The following SPIDR variants were observed in gnomAD, a reference collection of about 807,000 sequenced individuals.
SPIDR encodes the protein scaffold protein involved in DNA repair.
SPIDR carries 93 observed loss-of-function variants against 104.6 expected under a neutral mutation model. That is an observed-to-expected ratio of 0.89 (90% confidence interval 0.75 to 1.06). SPIDR has a LOEUF of 1.06. SPIDR is among the 50% of genes least tolerant of loss of function. The pLI is 0.00. For synonymous variants in SPIDR, 431 were observed against 416.9 expected (o/e 1.03, Z -0.41); for missense variants, 1,154 against 1,111.2 (o/e 1.04, Z -0.55).
At chr8:47,697,536 A>C (rs7462209) in intron 11 of SPIDR, among the ~76,000 whole-genome samples, 1 of 152,072 alleles carries the variant, frequency 6.6e-6, no homozygotes, top group African/African-American at 2.4e-5. Flanking sequence ...TTAGGAAAGC[A>C]CGCGTGGGCT....
At chr8:47,272,915 T>C (rs1586141060) in intron 1 of SPIDR, among the ~76,000 whole-genome samples, 1 of 152,186 alleles carries the variant, frequency 6.6e-6, no homozygotes, top group Admixed American at 6.5e-5. Flanking sequence ...ATATGCAACA[T>C]TTTACCACTT....
intron 5 of SPIDR, among the ~76,000 whole-genome samples, chr8:47,327,440 A>G (rs1019459317): frequency 9.7e-5 from 14 of 144,486 alleles, no homozygotes; most frequent in Non-Finnish European, 1.0e-4. Flanking sequence ...TTGCCCAGCT[A>G]GAGTGCACTG....
intron 5 of SPIDR, among the ~76,000 whole-genome samples, chr8:47,319,465 A>C (rs1183560571): frequency 1.3e-5 from 2 of 152,160 alleles, no homozygotes; most frequent in Non-Finnish European, 2.9e-5. Context: ...GAGACCTACA[A>C]AGATACTTAG....
At position 47,613,720 on chromosome 8, in the gene SPIDR, ATCTC is replaced by A. The variant is rs375925963; in HGVS notation, c.1544+14528_1544+14531del. Among the ~76,000 whole-genome samples the A allele has an allele frequency of 3.0e-4, 45 of 152,274 alleles. 1 individual carries two copies. In the East Asian group the frequency reaches 8.3e-3, roughly 28 times the overall value. On this transcript the variant is annotated intron_variant, in intron 10 of 19. Transcript: ENST00000297423. ...GTATCTCACTGTGGCTTTTATTCAC[ATCTC>A]TCTAATGACTGATGATGAGCTTCTT... is the stretch of plus-strand genomic sequence containing the variant.
At chr8:47,457,361 A>T (rs1169894198) in intron 8 of SPIDR, among the ~76,000 whole-genome samples, 1 of 152,056 alleles carries the variant, frequency 6.6e-6, no homozygotes, top group East Asian at 1.9e-4. Context: ...ATCATTGGTG[A>T]TGTTGAGCAT....
At chr8:47,300,812 AC>A (rs2041945200) in intron 5 of SPIDR, among the ~76,000 whole-genome samples, 1 of 152,140 alleles carries the variant, frequency 6.6e-6, no homozygotes, top group Admixed American at 6.6e-5. Flanking sequence ...GGTCTGAGAG[AC>A]AGTTTGTTAT....
chr8:47,633,571 A>AC (rs1479046210), intron 10 of SPIDR, among the ~76,000 whole-genome samples: 1 of 151,346 alleles, frequency 6.6e-6, no homozygotes, highest in African/African-American at 2.4e-5. Context: ...AAAAAAAAAA[A>AC]AACAAAAACC....
chr8:47,391,592 G>A (rs782553542), intron 5 of SPIDR, among the ~76,000 whole-genome samples: 2 of 151,964 alleles, frequency 1.3e-5, no homozygotes, highest in Non-Finnish European at 2.9e-5. Flanking sequence ...ATGACTACAC[G>A]AAGAATCCAG....
intron 5 of SPIDR, among the ~76,000 whole-genome samples, chr8:47,395,395 A>G (rs1333070642): frequency 6.6e-6 from 1 of 152,180 alleles, no homozygotes; most frequent in Non-Finnish European, 1.5e-5. Flanking sequence ...TCAGAAAAAA[A>G]GGCCTTTTGT....
chr8:47,409,323 C>T (rs1674857029), intron 7 of SPIDR, among the ~76,000 whole-genome samples: 1 of 151,904 alleles, frequency 6.6e-6, no homozygotes, highest in African/African-American at 2.4e-5. Flanking sequence ...GAGTTTATTC[C>T]TCCAAGGTCT....
chr8:47,289,895 G>A (rs1381881388), intron 3 of SPIDR, among the ~76,000 whole-genome samples: 2 of 151,970 alleles, frequency 1.3e-5, no homozygotes, highest in African/African-American at 4.8e-5. Flanking sequence ...AACAAACTAT[G>A]GTGCATAGTA....
Position 47,635,727 on chromosome 8 carries a change from T to TA in SPIDR, c.1544+36541dup, listed in dbSNP as rs922836097. 1.2e-4 allele frequency among the ~76,000 whole-genome samples: 18 copies of TA among 149,124 alleles called. No individual in the cohort carries two copies. The East Asian group carries it at 1.4e-3, about 11-fold the overall frequency. ...GGGCAACATAGCAAGACCCTGTCTCTAAAAAAAAAATTAAAAAAGAACAGA... is the reference window on the plus strand; with the variant it reads ...GGGCAACATAGCAAGACCCTGTCTCTAAAAAAAAAAATTAAAAAAGAACAGA... On this transcript the variant is annotated intron_variant, in intron 10 of 19. Transcript: ENST00000297423.
chr8:47,596,639 A>G (rs1306875281), intron 9 of SPIDR, among the ~76,000 whole-genome samples: 2 of 152,116 alleles, frequency 1.3e-5, no homozygotes, highest in Non-Finnish European at 2.9e-5. Flanking sequence ...AACCCTGAAC[A>G]CTTGCACTAC....
intron 10 of SPIDR, among the ~76,000 whole-genome samples, chr8:47,670,228 T>C (rs967598359): frequency 6.6e-6 from 1 of 152,034 alleles, no homozygotes; most frequent in Admixed American, 6.6e-5. Flanking sequence ...CCCTATTTAG[T>C]TATGGAATGG....
chr8:47,428,942 T>C (rs2066884379), intron 7 of SPIDR, among the ~76,000 whole-genome samples: 2 of 152,222 alleles, frequency 1.3e-5, no homozygotes, highest in African/African-American at 4.8e-5. Flanking sequence ...GTTCAGACTT[T>C]ATTTTTCCCT....
intron 5 of SPIDR, among the ~76,000 whole-genome samples, chr8:47,329,517 T>C (rs193022923): frequency 2.0e-5 from 3 of 152,264 alleles, no homozygotes; most frequent in Non-Finnish European, 4.4e-5. Flanking sequence ...TACAATATGT[T>C]TTTGAGTGAG....
rs1344035328 is a variant in SPIDR at position 47,369,907 on chromosome 8, A to ATT, written c.526-26461_526-26460dup. On this transcript the variant is annotated intron_variant, in intron 5 of 19. Transcript: ENST00000297423. The stretch of plus-strand genomic sequence containing the variant: ...ATGGTGACTTTCTTGGTTTGTCTGG[A>ATT]TTTTTTTTTGTTTTTTAAGGGTTCC... Among the ~76,000 whole-genome samples, 29 of 150,538 alleles carry ATT rather than the reference A, an allele frequency of 1.9e-4. 1 individual carries two copies. Among genetic ancestry groups the ATT allele is most frequent in the African/African-American group, 6.6e-4 (27 of 40,942 alleles).
At position 47,465,595 on chromosome 8, in the gene SPIDR, C is replaced by T. The variant is rs1249566779; in HGVS notation, c.1097+25053C>T. Among the ~76,000 whole-genome samples, 7 of 152,086 alleles carry T rather than the reference C, an allele frequency of 4.6e-5. No individual in the cohort carries two copies. The East Asian group carries it at 7.7e-4, about 17-fold the overall frequency. ...TAAAAATACAAAAAAATTAGCTGGG[C>T]GTGGTGACATATGTCTGTAATCCCA... On this transcript the variant is annotated intron_variant, in intron 8 of 19. Coordinates refer to ENST00000297423, the MANE Select transcript of SPIDR (RefSeq NM_001080394.4).
At chr8:47,676,551 C>A (rs2076475773) in intron 11 of SPIDR, among the ~76,000 whole-genome samples, 1 of 151,696 alleles carries the variant, frequency 6.6e-6, no homozygotes, top group South Asian at 2.1e-4. Context: ...TGTTTCATAG[C>A]AATTCTCGTA....
Sources: allele counts gnomAD v4.1 joint callset (sites outside exome capture counted in the v4.1 genomes callset), GRCh38; gene constraint gnomAD v4.1.1; transcripts MANE v1.5; gene names NCBI Gene and HGNC (gene_info 2026-07-23, HGNC 2026-07-21).